The following PAK5 variants were observed in gnomAD, a reference collection of about 807,000 sequenced individuals.
PAK5 encodes p21 (RAC1) activated kinase 5.
A neutral mutation model predicts 65.9 loss-of-function variants in PAK5; 16 were observed. The observed-to-expected ratio is 0.24, with a 90% CI of 0.16 to 0.37. PAK5 has a LOEUF of 0.37. Among genes scored for constraint, PAK5 ranks in the 10% least tolerant of loss-of-function variants. The pLI is 1.00. For missense variants in PAK5, 785 were observed against 903.9 expected (o/e 0.87, Z 1.69); for synonymous variants, 371 against 354.9 (o/e 1.05, Z -0.51).
intron 3 of PAK5, among the ~76,000 whole-genome samples, chr20:9,633,983 G>A (rs1311821189): frequency 6.6e-6 from 1 of 152,194 alleles, no homozygotes; most frequent in African/African-American, 2.4e-5. Context: ...AAGCATGAGT[G>A]GGAGTCACAG....
At chr20:9,765,625 T>G (rs1472600880) in intron 1 of PAK5, among the ~76,000 whole-genome samples, 1 of 152,230 alleles carries the variant, frequency 6.6e-6, no homozygotes, top group East Asian at 1.9e-4. Flanking sequence ...AAACTGCAGA[T>G]GCTGCAAATC....
chr20:9,629,956 G>A (rs191997640), intron 3 of PAK5, among the ~76,000 whole-genome samples: 11 of 152,302 alleles, frequency 7.2e-5, no homozygotes, highest in African/African-American at 2.2e-4. Context: ...GAAACTGAAG[G>A]AAGGAGAAGG....
At chr20:9,579,813 C>A (rs1254691378) in intron 4 of PAK5, among the ~76,000 whole-genome samples, 1 of 152,186 alleles carries the variant, frequency 6.6e-6, no homozygotes, top group African/African-American at 2.4e-5. Context: ...CTGATCCACT[C>A]CTTAACAGGG....
intron 7 of PAK5, among the ~76,000 whole-genome samples, chr20:9,548,476 C>A (rs2045379168): frequency 6.6e-6 from 1 of 152,054 alleles, no homozygotes; most frequent in Non-Finnish European, 1.5e-5. Context: ...GCGCTGCACC[C>A]TCTTTTCCAA....
At chr20:9,802,840 A>T (rs1207859414) in intron 1 of PAK5, among the ~76,000 whole-genome samples, 1 of 146,076 alleles carries the variant, frequency 6.8e-6, no homozygotes. Flanking sequence ...GGCAACCAAC[A>T]GAAGGAATAG....
intron 3 of PAK5, among the ~76,000 whole-genome samples, chr20:9,608,282 G>A (rs1254711884): frequency 6.6e-6 from 1 of 152,238 alleles, no homozygotes; most frequent in African/African-American, 2.4e-5. Context: ...ATGACAGAAT[G>A]TCAGGTTGGC....
At chr20:9,718,265 A>C (rs978740510) in intron 1 of PAK5, among the ~76,000 whole-genome samples, 1 of 152,146 alleles carries the variant, frequency 6.6e-6, no homozygotes, top group Non-Finnish European at 1.5e-5. Flanking sequence ...TAGTATAAAC[A>C]GTCTCTGCAT....
chr20:9,726,494 A>AT (rs1311752879), intron 1 of PAK5, among the ~76,000 whole-genome samples: 1 of 152,176 alleles, frequency 6.6e-6, no homozygotes, highest in Non-Finnish European at 1.5e-5. Flanking sequence ...GTTGTGTTCA[A>AT]TAAACTGAAA....
At chr20:9,639,732 GAGA>G (rs2047027100) in intron 3 of PAK5, among the ~76,000 whole-genome samples, 3 of 152,360 alleles carry the variant, frequency 2.0e-5, no homozygotes, top group African/African-American at 7.2e-5. Context: ...TAGTGAGTAA[GAGA>G]AGCACAAGGT....
At chr20:9,698,685 T>C (rs1048590522) in intron 2 of PAK5, among the ~76,000 whole-genome samples, 9 of 152,140 alleles carry the variant, frequency 5.9e-5, no homozygotes, top group Admixed American at 2.0e-4. Flanking sequence ...TTCACTTTGT[T>C]TCACCCGGAG....
intron 3 of PAK5, among the ~76,000 whole-genome samples, chr20:9,604,413 G>T (rs181092537): frequency 6.6e-6 from 1 of 152,116 alleles, no homozygotes; most frequent in Non-Finnish European, 1.5e-5. Flanking sequence ...TCTGGCTCTG[G>T]GTCTCTTCTC....
At chr20:9,709,178 G>A (rs1023972343) in intron 2 of PAK5, among the ~76,000 whole-genome samples, 9 of 152,176 alleles carry the variant, frequency 5.9e-5, no homozygotes, top group Admixed American at 6.5e-5. Flanking sequence ...ATCTAGTCCA[G>A]TGGATGACAA....
chr20:9,826,941 C>T (rs534920383), intron 1 of PAK5, among the ~76,000 whole-genome samples: 10 of 152,282 alleles, frequency 6.6e-5, no homozygotes, highest in African/African-American at 2.4e-4. Context: ...AGTTTATTTA[C>T]TCTATTGTGG....
chr20:9,688,809 G>A (rs553766160), intron 2 of PAK5, among the ~76,000 whole-genome samples: 4 of 152,084 alleles, frequency 2.6e-5, no homozygotes, highest in South Asian at 2.1e-4. Context: ...AATTTAGGAC[G>A]GTGACTGGCA....
At chr20:9,789,098 G>A (rs1883545) in intron 1 of PAK5, among the ~76,000 whole-genome samples, 61,611 of 152,124 alleles carry the variant, frequency 0.41, 13,083 homozygotes, top group Admixed American at 0.47. Context: ...ATGCCATTTG[G>A]GGTAAATCAA....
At chr20:9,792,971 G>A (rs765321878) in intron 1 of PAK5, among the ~76,000 whole-genome samples, 3 of 152,126 alleles carry the variant, frequency 2.0e-5, no homozygotes, top group Non-Finnish European at 4.4e-5. Context: ...AGTCAAGTTC[G>A]CTCTACTGCC....
intron 1 of PAK5, among the ~76,000 whole-genome samples, chr20:9,721,691 C>G (rs982469472): frequency 1.6e-4 from 23 of 144,776 alleles, no homozygotes; most frequent in Non-Finnish European, 3.4e-4. Flanking sequence ...AAGAATGTAG[C>G]CAGTGAGCAC....
chr20:9,781,747 T>C (rs2048942761), intron 1 of PAK5, among the ~76,000 whole-genome samples: 1 of 152,092 alleles, frequency 6.6e-6, no homozygotes, highest in Non-Finnish European at 1.5e-5. Flanking sequence ...CAACATCCCA[T>C]GCCTCAGGGA....
intron 1 of PAK5, among the ~76,000 whole-genome samples, chr20:9,740,239 T>A (rs571352469): frequency 1.3e-5 from 2 of 152,116 alleles, no homozygotes; most frequent in Admixed American, 6.5e-5. Flanking sequence ...ACCGAAGGAT[T>A]AGAAGGGAGC....
Sources: allele counts gnomAD v4.1 joint callset (sites outside exome capture counted in the v4.1 genomes callset), GRCh38; gene constraint gnomAD v4.1.1; transcripts MANE v1.5; gene names NCBI Gene and HGNC (gene_info 2026-07-23, HGNC 2026-07-21).